Variants in HIGD1C observed in about 807,000 individuals in gnomAD.
The protein encoded by HIGD1C is HIG1 domain family member 1C.
HIGD1C carries 11 observed loss-of-function variants against 13.1 expected under a neutral mutation model. The ratio of observed to expected loss-of-function variants is 0.84; its 90% CI spans 0.53 to 1.39. HIGD1C has a LOEUF of 1.39. HIGD1C is among the 40% of genes most tolerant of loss of function. The pLI, the probability that HIGD1C is intolerant of heterozygous loss-of-function variation, is 0.00. For missense variants in HIGD1C, 110 were observed against 112.0 expected (o/e 0.98, Z 0.08); for synonymous variants, 36 against 37.7 (o/e 0.95, Z 0.17).
At chr12:50,951,941 A>G (rs1938912268), upstream of HIGD1C, among the ~76,000 whole-genome samples, 1 of 151,652 alleles carries the variant, frequency 6.6e-6, no homozygotes, top group African/African-American at 2.4e-5. Flanking sequence ...AAAAAAAGAA[A>G]AAAAAATCAA....
At chr12:50,952,193 A>G (rs1370322156), upstream of HIGD1C, among the ~76,000 whole-genome samples, 1 of 151,800 alleles carries the variant, frequency 6.6e-6, no homozygotes, top group Admixed American at 6.6e-5. Context: ...CTATGGTTAT[A>G]TAATAAAAGA....
the HIGD1C span, chr12:50,931,717 A>G: frequency 6.8e-6 from 1 of 147,868 alleles, no homozygotes; most frequent in African/African-American, 2.6e-5. Context: ...GTCTCAAAAA[A>G]AAAAAAAAAA....
upstream of HIGD1C, among the ~76,000 whole-genome samples, chr12:50,953,119 G>A (rs554019199): frequency 7.9e-5 from 12 of 152,186 alleles, no homozygotes; most frequent in Non-Finnish European, 1.8e-4. Context: ...CCCCTGGGGC[G>A]TGTTTCTGGG....
intron 1 of HIGD1C, chr12:50,954,307 C>G (rs570556605): frequency 2.3e-6 from 1 of 443,414 alleles, no homozygotes; most frequent in East Asian, 3.5e-5. Context: ...AAATTTTATT[C>G]TATTTTATCC....
intron 2 of HIGD1C, among the ~76,000 whole-genome samples, chr12:50,961,870 C>T (rs1219152015): frequency 6.6e-6 from 1 of 152,106 alleles, no homozygotes; most frequent in East Asian, 1.9e-4. Flanking sequence ...TGGTAATAAT[C>T]TTATTACTGT....
the HIGD1C span, among the ~76,000 whole-genome samples, chr12:50,937,895 T>G: frequency 6.6e-6 from 1 of 152,066 alleles, no homozygotes; most frequent in Non-Finnish European, 1.5e-5. Context: ...ATGGAGGAAG[T>G]GCATGCTGAT....
the HIGD1C span, among the ~76,000 whole-genome samples, chr12:50,947,921 C>G: frequency 6.6e-6 from 1 of 152,128 alleles, no homozygotes; most frequent in Non-Finnish European, 1.5e-5. Context: ...TGCACTCCAG[C>G]CTGGGCAACA....
chr12:50,946,180 C>T, the HIGD1C span, among the ~76,000 whole-genome samples: 8 of 152,190 alleles, frequency 5.3e-5, no homozygotes, highest in Non-Finnish European at 8.8e-5. Flanking sequence ...GCAAGGACTT[C>T]ATGTCTAAAC....
chr12:50,953,914 A>G (rs1938991577), upstream of HIGD1C: 1 of 738,956 alleles, frequency 1.4e-6, no homozygotes, highest in Admixed American at 2.3e-5. Context: ...ACACATAATC[A>G]AGAGTATGAT....
At chr12:50,942,902 G>C in the HIGD1C span, among the ~76,000 whole-genome samples, 1 of 133,942 alleles carries the variant, frequency 7.5e-6, no homozygotes, top group South Asian at 2.4e-4. Flanking sequence ...TTTCACTCTT[G>C]TTGCCCAGGG....
At chr12:50,933,806 G>C in the HIGD1C span, among the ~76,000 whole-genome samples, 1 of 152,240 alleles carries the variant, frequency 6.6e-6, no homozygotes. Context: ...TAAGTGCTCA[G>C]TCCAAGGATG....
intron 2 of HIGD1C, among the ~76,000 whole-genome samples, chr12:50,965,192 C>T (rs1939494463): frequency 6.6e-6 from 1 of 152,046 alleles, no homozygotes; most frequent in Non-Finnish European, 1.5e-5. Flanking sequence ...TGGCTCGCTA[C>T]AGCCCCAAAC....
At chr12:50,941,900 CT>C in the HIGD1C span, among the ~76,000 whole-genome samples, 1 of 151,690 alleles carries the variant, frequency 6.6e-6, no homozygotes, top group African/African-American at 2.4e-5. Context: ...TCCTTTTTTT[CT>C]TTTTTGAGAC....
At chr12:50,953,137 A>T (rs1221132600), upstream of HIGD1C, among the ~76,000 whole-genome samples, 1 of 152,098 alleles carries the variant, frequency 6.6e-6, no homozygotes, top group African/African-American at 2.4e-5. Flanking sequence ...GGGCTTTCCC[A>T]TTATCAATTA....
intron 2 of HIGD1C, among the ~76,000 whole-genome samples, chr12:50,963,893 C>T (rs909413824): frequency 5.3e-5 from 8 of 152,142 alleles, no homozygotes; most frequent in African/African-American, 1.9e-4. Flanking sequence ...TCCATATATA[C>T]CTCTATTAAT....
rs527606189 is a variant in HIGD1C, at chr12:50,954,234, T to C, written c.94+142T>C. 3.8e-4 allele frequency: 207 copies of C among 549,688 alleles called. 2 individuals are homozygous for C. The highest frequency in any genetic ancestry group is 3.5e-3 in the African/African-American group (186 of 52,550). The allele number at this position is 549,688 out of a possible 1,614,324, so 34.1% of individuals were successfully genotyped here. A position where few individuals can be genotyped will look rare whatever the true frequency, so the allele number is the denominator to read the frequency against. ...AACCTCCTCTAAGCATGTGTTGAAC[T>C]TTCAGAATAGTTCCTAATACATGGT... On this transcript the variant is annotated intron_variant, in intron 1 of 2. Transcript: ENST00000398455.
chr12:50,941,703 A>C, the HIGD1C span, among the ~76,000 whole-genome samples: 1 of 152,098 alleles, frequency 6.6e-6, no homozygotes, highest in Admixed American at 6.6e-5. Flanking sequence ...CCATTCTCTA[A>C]ACCCAGACTC....
chr12:50,960,850 T>C lies in HIGD1C; in HGVS notation c.95-118T>C. The C allele has an allele frequency of 1.7e-5, 4 of 233,230 alleles. No individual in the cohort carries two copies. In the South Asian group the frequency reaches 4.4e-4, roughly 25 times the overall value. 14.4% of individuals were successfully genotyped at this position (233,230 alleles called of 1,614,324 possible). A position where few individuals can be genotyped will look rare whatever the true frequency, so the allele number is the denominator to read the frequency against. Reference sequence around the variant, plus strand: ...GACGTGTATCACCATGTGTGGCTAATTTTTTTTTTTTTAGAGATGGGGTCT... The same window carrying C: ...GACGTGTATCACCATGTGTGGCTAACTTTTTTTTTTTTAGAGATGGGGTCT... On this transcript the variant is annotated intron_variant, in intron 1 of 2. Coordinates refer to ENST00000398455, the Ensembl canonical transcript of HIGD1C.
chr12:50,934,973 T>A, the HIGD1C span: 3 of 152,210 alleles, frequency 2.0e-5, no homozygotes, highest in African/African-American at 7.2e-5. Context: ...CCAAGTGTTC[T>A]AATATTCAAA....
Sources: allele counts gnomAD v4.1 joint callset (sites outside exome capture counted in the v4.1 genomes callset), GRCh38; gene constraint gnomAD v4.1.1; transcripts MANE v1.5; gene names NCBI Gene and HGNC (gene_info 2026-07-23, HGNC 2026-07-21).